The following BOD1 variants were observed in gnomAD, a reference collection of about 807,000 sequenced individuals.
The protein encoded by BOD1 is biorientation of chromosomes in cell division 1.
Under a neutral mutation model 15.7 loss-of-function variants are expected in BOD1, and 11 were observed. The ratio of observed to expected loss-of-function variants is 0.70; its 90% CI spans 0.44 to 1.16. The LOEUF (loss-of-function observed/expected upper bound fraction) is 1.16, where lower values mean the gene tolerates loss of function less well. BOD1 is among the 50% of genes most tolerant of loss of function. The pLI is 0.00. For synonymous variants in BOD1, 105 were observed against 103.5 expected (o/e 1.01, Z -0.09); for missense variants, 182 against 244.5 (o/e 0.74, Z 1.70).
intron 2 of BOD1, 122 bp from the exon 3 acceptor site, chr5:173,609,556 GT>G (rs2113326047): frequency 2.0e-6 from 2 of 977,116 alleles, no homozygotes; most frequent in Non-Finnish European, 3.1e-6. Flanking sequence ...CTTCTAGGGA[GT>G]TTAGAGGTCA....
At chr5:173,615,248 A>G (rs545771117) in intron 1 of BOD1, among the ~76,000 whole-genome samples, 2 of 152,314 alleles carry the variant, frequency 1.3e-5, no homozygotes, top group Non-Finnish European at 2.9e-5. Context: ...TCTAACCTAG[A>G]CTATAAGTTT....
chr5:173,611,060 C>T (rs572804738), intron 2 of BOD1, among the ~76,000 whole-genome samples: 2 of 152,282 alleles, frequency 1.3e-5, no homozygotes, highest in South Asian at 2.1e-4. Context: ...TAGTCTACGG[C>T]GCCTTGTTAA....
Position 173,616,425 on chromosome 5 carries a change from G to C in BOD1, c.12C>G (p.Gly4=). 6.5e-7 allele frequency: 1 copy of C among 1,547,176 alleles called. No homozygotes were observed. Among genetic ancestry groups the C allele is most frequent in the Non-Finnish European group, 8.6e-7 (1 of 1,158,304 alleles). Reference sequence around the variant, plus strand: ...CCGCGCCAGTTCCCCCGCCGCCGCCGCCGTCCGCCATGGCTGCGCCCCGGG... The same window carrying C: ...CCGCGCCAGTTCCCCCGCCGCCGCCCCCGTCCGCCATGGCTGCGCCCCGGG... The part of the protein sequence containing the change: MAD[G]GGGGGTGAVG... Residue 4 remains glycine, a synonymous_variant, in exon 1 of 4, where the codon GGC becomes GGG. Coordinates refer to ENST00000311086, the MANE Select transcript of BOD1 (RefSeq NM_138369.3).
chr5:173,613,977 G>A (rs1755425522), intron 1 of BOD1, among the ~76,000 whole-genome samples: 1 of 152,186 alleles, frequency 6.6e-6, no homozygotes, highest in South Asian at 2.1e-4. Context: ...ACATTCCCTG[G>A]GATTTCCCAG....
At position 173,616,505 on chromosome 5, in the gene BOD1, G is replaced by T; in HGVS notation, c.-69C>A. On this transcript the variant is annotated 5_prime_UTR_variant, in exon 1 of 4. Transcript: ENST00000311086. ...CTCCAGGACAGAAGGCCTAGAACGT[G>T]TAGAGGTGGTGAAGGGGGCGGTGAA... The T allele has an allele frequency of 6.6e-7, 1 of 1,514,464 alleles. No individual in the cohort carries two copies. Among genetic ancestry groups the T allele is most frequent in the Non-Finnish European group, 8.8e-7 (1 of 1,141,756 alleles). 93.8% of individuals were successfully genotyped at this position (1,514,464 alleles called of 1,614,324 possible). A position where few individuals can be genotyped will look rare whatever the true frequency, so the allele number is the denominator to read the frequency against.
At position 173,613,024 on chromosome 5, in the gene BOD1, CT is replaced by C. The variant is rs1755395589; in HGVS notation, c.362+106del. The C allele has an allele frequency of 8.1e-6, 11 of 1,358,476 alleles. No individual in the cohort carries two copies. The Middle Eastern group carries it at 9.5e-4, about 117-fold the overall frequency. 84.2% of individuals were successfully genotyped at this position (1,358,476 alleles called of 1,614,324 possible). A position where few individuals can be genotyped will look rare whatever the true frequency, so the allele number is the denominator to read the frequency against. On this transcript the variant is annotated intron_variant, in intron 2 of 3. Transcript: ENST00000311086. ...AGACTGCTGCAACTCCTAAGTGATA[CT>C]TGATATAAAGTCCCATCAACCTTGA... is the stretch of plus-strand genomic sequence containing the variant.
intron 2 of BOD1, among the ~76,000 whole-genome samples, chr5:173,610,509 C>A (rs181557766): frequency 6.6e-6 from 1 of 152,168 alleles, no homozygotes; most frequent in Non-Finnish European, 1.5e-5. Flanking sequence ...AAATACACCA[C>A]CACTAGAGCA....
Position 173,613,206 on chromosome 5 carries a change from T to C in BOD1, c.287A>G (p.His96Arg). 6.2e-7 allele frequency: 1 copy of C among 1,613,738 alleles called. No homozygotes were observed. Among genetic ancestry groups the C allele is most frequent in the Non-Finnish European group, 8.5e-7 (1 of 1,179,612 alleles). The change falls in exon 2 of 4, where the codon CAT becomes CGT. Residue 96 changes from histidine to arginine, a missense_variant. Physicochemically the swap from His to Arg is conservative, Grantham distance 29. Around this residue, in one of 3 missense-constraint regions of BOD1, gnomAD observed 70 missense variants for 130.3 expected, o/e 0.54. Coordinates refer to ENST00000311086, the MANE Select transcript of BOD1 (RefSeq NM_138369.3). ...AGGATTCCATTCCTGCTTGTCCAGATGTGTTGACACAAAATTATCCACTTT... is the reference window on the plus strand; with the variant it reads ...AGGATTCCATTCCTGCTTGTCCAGACGTGTTGACACAAAATTATCCACTTT... Reference protein sequence around the residue: ...RQKVDNFVSTHLDKQEWNPTM... With the variant: ...RQKVDNFVSTRLDKQEWNPTM...
chr5:173,611,670 G>A (rs1755359615), intron 2 of BOD1, among the ~76,000 whole-genome samples: 1 of 152,224 alleles, frequency 6.6e-6, no homozygotes, highest in African/African-American at 2.4e-5. Context: ...GGGGGTGTGA[G>A]TCCATTTCTC....
intron 3 of BOD1, 21 bp downstream of exon 3, chr5:173,609,217 A>G (rs1423070897): frequency 7.4e-7 from 1 of 1,351,250 alleles, no homozygotes; most frequent in African/African-American, 2.2e-5. Flanking sequence ...ATACTCCTGG[A>G]CAGAAGATAG....
intron 2 of BOD1, among the ~76,000 whole-genome samples, chr5:173,610,018 A>G (rs756583144): frequency 6.6e-6 from 1 of 151,734 alleles, no homozygotes; most frequent in Non-Finnish European, 1.5e-5. Context: ...GAAATAGACA[A>G]ACAAATTAGT....
In BOD1 at chr5:173,616,388, C is replaced by T. The variant is rs1245034718; in HGVS notation, c.49G>A (p.Gly17Arg). ...GGGTGAVGGGGTSQASAGAAT... is the reference protein window; with the variant it reads ...GGGTGAVGGGRTSQASAGAAT... ...GCCCCGGCAGAGGCCTGGCTAGTTC[C>T]GCCGCCGCCCACCGCGCCAGTTCCC... Residue 17 changes from glycine (G) to arginine (R), a missense_variant, in exon 1 of 4, where the codon GGA becomes AGA. Transcript: ENST00000311086. The T allele has an allele frequency of 6.6e-7, 1 of 1,519,826 alleles. No homozygotes were observed. Among genetic ancestry groups the T allele is most frequent in the South Asian group, 1.2e-5 (1 of 82,852 alleles). The allele number at this position is 1,519,826 out of a possible 1,614,324, so 94.1% of individuals were successfully genotyped here. A position where few individuals can be genotyped will look rare whatever the true frequency, so the allele number is the denominator to read the frequency against.
At chr5:173,608,591 T>A (rs1287964337) in intron 3 of BOD1, among the ~76,000 whole-genome samples, 3 of 152,202 alleles carry the variant, frequency 2.0e-5, no homozygotes, top group African/African-American at 4.8e-5. Context: ...ATAAAACATA[T>A]CCCAGCAGTC....
rs1404622256 is a variant in BOD1, at chr5:173,608,033, T to G, written c.*261A>C. 3.5e-5 allele frequency: 19 copies of G among 538,116 alleles called. No homozygotes were observed. Among genetic ancestry groups the G allele is most frequent in the Non-Finnish European group, 5.7e-5 (17 of 300,744 alleles). The allele number at this position is 538,116 out of a possible 1,614,324, so 33.3% of individuals were successfully genotyped here. A position where few individuals can be genotyped will look rare whatever the true frequency, so the allele number is the denominator to read the frequency against. On this transcript the variant is annotated 3_prime_UTR_variant, in exon 4 of 4. Transcript: ENST00000311086. ...TCAGGACAACCCTGGGTTGCTGTAG[T>G]GTTTCTCTCTCTGTAGTGTCTACTT...
chr5:173,608,243 G>T lies in BOD1; in HGVS notation c.*51C>A. On this transcript the variant is annotated 3_prime_UTR_variant, in exon 4 of 4. Coordinates refer to ENST00000311086, the MANE Select transcript of BOD1 (RefSeq NM_138369.3). ...TCTGAAGTTGCACTCTTATGTAACC[G>T]AATCCATTTCTTCACCAAAAATTAG... The T allele has an allele frequency of 1.9e-6, 3 of 1,609,624 alleles. No homozygotes were observed. Among genetic ancestry groups the T allele is most frequent in the Non-Finnish European group, 2.6e-6 (3 of 1,175,964 alleles).
intron 2 of BOD1, chr5:173,609,653 C>T (rs1215510086): frequency 7.7e-6 from 4 of 521,426 alleles, no homozygotes; most frequent in African/African-American, 3.8e-5. Flanking sequence ...TGCACAATCT[C>T]ACCCACAATC....
chr5:173,607,986 T>C lies in BOD1; in HGVS notation c.*308A>G, dbSNP rs2291057. On this transcript the variant is annotated 3_prime_UTR_variant, in exon 4 of 4. Coordinates refer to ENST00000311086, the MANE Select transcript of BOD1 (RefSeq NM_138369.3). ...CCCTAAAGTCCATGTGCAGTCTCCATGTTCAAGTATAAAAGTCTGTTTCAG... is the reference window on the plus strand; with the variant it reads ...CCCTAAAGTCCATGTGCAGTCTCCACGTTCAAGTATAAAAGTCTGTTTCAG... 41,161 of 424,378 alleles carry C rather than the reference T, an allele frequency of 0.097. 2,367 individuals carry two copies. Among genetic ancestry groups the C allele is most frequent in the African/African-American group, 0.18 (8,963 of 50,508 alleles). The allele number at this position is 424,378 out of a possible 1,614,324, so 26.3% of individuals were successfully genotyped here. A position where few individuals can be genotyped will look rare whatever the true frequency, so the allele number is the denominator to read the frequency against.
At position 173,609,320 on chromosome 5, in the gene BOD1, G is replaced by T. The variant is rs1755285753; in HGVS notation, c.477C>A (p.Ala159=). 1.2e-6 allele frequency: 2 copies of T among 1,614,180 alleles called. No homozygotes were observed. The highest frequency in any genetic ancestry group is 1.7e-6 in the Non-Finnish European group (2 of 1,180,038). The change falls in exon 3 of 4, where the codon GCC becomes GCA. Residue 159 remains alanine, a synonymous_variant. Coordinates refer to ENST00000311086, the MANE Select transcript of BOD1 (RefSeq NM_138369.3). The part of the protein sequence containing the change: ...IERAIHEFLA[A]QKKAAVPAPP... The stretch of plus-strand genomic sequence containing the variant: ...GTGCTGGCACAGCTGCTTTTTTCTG[G>T]GCCGCCAGGAACTCATGAATTGCTC...
At chr5:173,609,950 T>C (rs1198000414) in intron 2 of BOD1, among the ~76,000 whole-genome samples, 3 of 152,356 alleles carry the variant, frequency 2.0e-5, no homozygotes, top group Middle Eastern at 3.4e-3. Flanking sequence ...CAATTCACCA[T>C]GGCCTTCAGC....
Sources: gnomAD v4.1 joint callset for allele counts (sites outside exome capture counted in the v4.1 genomes callset) on GRCh38, gnomAD v4.1.1 for gene constraint, gnomAD v4.1.1 regional missense constraint, MANE v1.5 for transcripts, NCBI Gene and HGNC (gene_info 2026-07-23, HGNC 2026-07-21) for gene names.